The following LIMCH1 variants were observed in gnomAD, a reference collection of about 807,000 sequenced individuals.
LIMCH1 encodes the protein LIM and calponin homology domains 1.
LIMCH1 carries 113 observed loss-of-function variants against 176.5 expected under a neutral mutation model. The ratio of observed to expected loss-of-function variants is 0.64; its 90% confidence interval spans 0.55 to 0.75. The LOEUF (loss-of-function observed/expected upper bound fraction) is 0.75, where lower values mean the gene tolerates loss of function less well. Ranked by LOEUF, LIMCH1 falls within the 30% of genes least tolerant of loss-of-function variation. The pLI is 0.00. For missense variants in LIMCH1, 1,674 were observed against 1,814.9 expected, an observed-to-expected ratio of 0.92 and a Z score of 1.41; for synonymous variants, 619 against 645.9, an observed-to-expected ratio of 0.96 and a Z score of 0.63.
At position 41,409,838 on chromosome 4, in the gene LIMCH1, A is replaced by C. The variant is rs1002976975; in HGVS notation, c.96+48902A>C. On this transcript the variant is annotated intron_variant, in intron 1 of 26. Transcript: ENST00000313860. ...TCCAAGCAAAAGGGCTAATAGTGTT[A>C]GTTTTCTTGTCACAAGTTGATTGAA... 2.6e-5 allele frequency among the ~76,000 whole-genome samples: 4 copies of C among 152,220 alleles called. No homozygotes were observed. The East Asian group carries it at 7.7e-4, about 29-fold the overall frequency.
chr4:41,606,137 G>A (rs996457352), intron 4 of LIMCH1, 133 bp downstream of exon 4: 16 of 590,056 alleles, frequency 2.7e-5, no homozygotes, highest in Admixed American at 1.3e-4. Context: ...TCAAGGAAAC[G>A]ATCACTTGTC....
chr4:41,504,588 T>C (rs766323873), intron 2 of LIMCH1, among the ~76,000 whole-genome samples: 5 of 152,262 alleles, frequency 3.3e-5, no homozygotes, highest in Non-Finnish European at 5.9e-5. Context: ...AATGGCAGTA[T>C]GCAGATACTC....
At chr4:41,692,784 A>T (rs879607446) in intron 31 of LIMCH1, 5,795 of 171,948 alleles carry the variant, frequency 0.034, 387 homozygotes, top group African/African-American at 0.13. Flanking sequence ...CAGATCGAGC[A>T]CCAACTCATC....
chr4:41,397,674 T>G (rs2057951250), intron 1 of LIMCH1, among the ~76,000 whole-genome samples: 1 of 151,874 alleles, frequency 6.6e-6, no homozygotes, highest in African/African-American at 2.4e-5. Flanking sequence ...AAAAACAAGG[T>G]TATTAGACTG....
chr4:41,698,705 T>C lies in LIMCH1; in HGVS notation c.*1520T>C, dbSNP rs902930339. On this transcript the variant is annotated 3_prime_UTR_variant, in exon 32 of 32. Coordinates refer to ENST00000503057, the MANE Select transcript of LIMCH1 (RefSeq NM_001330672.2). The stretch of plus-strand genomic sequence containing the variant: ...TCTTATTGAGTATGGCTAGCGATTA[T>C]TTATTACATGCTAGATGGGTTCTTT... The C allele has an allele frequency of 2.0e-5, 3 of 152,642 alleles. No individual in the cohort carries two copies. The highest frequency in any genetic ancestry group is 4.4e-5 in the Non-Finnish European group (3 of 68,040). 9.5% of individuals were successfully genotyped at this position (152,642 alleles called of 1,614,324 possible). A position where few individuals can be genotyped will look rare whatever the true frequency, so the allele number is the denominator to read the frequency against.
At chr4:41,593,449 G>T (rs539276518) in intron 1 of LIMCH1, among the ~76,000 whole-genome samples, 1 of 152,318 alleles carries the variant, frequency 6.6e-6, no homozygotes, top group South Asian at 2.1e-4. Context: ...ACCGCCATGA[G>T]TTTGCAGTGG....
At chr4:41,477,316 C>CAGT (rs1159587174) in intron 1 of LIMCH1, among the ~76,000 whole-genome samples, 1 of 152,114 alleles carries the variant, frequency 6.6e-6, no homozygotes, top group African/African-American at 2.4e-5. Flanking sequence ...TGGGTACAGA[C>CAGT]AGTAGCTTTA....
intron 1 of LIMCH1, among the ~76,000 whole-genome samples, chr4:41,488,263 T>C (rs532165282): frequency 2.0e-5 from 3 of 152,358 alleles, no homozygotes; most frequent in Middle Eastern, 3.4e-3. Context: ...GTTAGTATTA[T>C]AGAGAGGCTT....
In LIMCH1 at chr4:41,638,120, G is replaced by T. The variant is rs1222663362; in HGVS notation, c.2091-812G>T. Among the ~76,000 whole-genome samples, 137 of 138,752 alleles carry T rather than the reference G, an allele frequency of 9.9e-4. 1 individual carries two copies. Among genetic ancestry groups the T allele is most frequent in the Non-Finnish European group, 1.6e-3 (100 of 62,266 alleles). The allele number at this position is 138,752 out of a possible 152,430, so 91.0% of individuals were successfully genotyped here. A position where few individuals can be genotyped will look rare whatever the true frequency, so the allele number is the denominator to read the frequency against. ...GTGTTGTTTTGTTGTTGTTGTTGTT[G>T]TTGTTGTTGTTGTTTTTTCATGTGC... On this transcript the variant is annotated intron_variant, in intron 13 of 31. Coordinates refer to ENST00000503057, the MANE Select transcript of LIMCH1 (RefSeq NM_001330672.2).
intron 9 of LIMCH1, 83 bp from the exon 10 acceptor site, chr4:41,631,065 G>T: frequency 2.0e-6 from 2 of 1,006,660 alleles, no homozygotes; most frequent in South Asian, 4.2e-5. Context: ...ACTACTTCTA[G>T]TTTTTTTTTT....
At chr4:41,427,129 AT>A (rs1282931209) in intron 1 of LIMCH1, among the ~76,000 whole-genome samples, 2 of 152,186 alleles carry the variant, frequency 1.3e-5, no homozygotes, top group Admixed American at 1.3e-4. Context: ...GACTTAAGTT[AT>A]TTTACATATA....
intron 1 of LIMCH1, among the ~76,000 whole-genome samples, chr4:41,578,702 T>C (rs954056567): frequency 3.3e-5 from 5 of 152,012 alleles, no homozygotes; most frequent in Non-Finnish European, 7.4e-5. Context: ...TCTTTTCTTC[T>C]TTTCCCCCTT....
chr4:41,398,417 G>A (rs2058043367), intron 1 of LIMCH1, among the ~76,000 whole-genome samples: 1 of 151,788 alleles, frequency 6.6e-6, no homozygotes, highest in Admixed American at 6.6e-5. Flanking sequence ...GAGTTTTGTG[G>A]GTGAATAATG....
chr4:41,497,331 G>C (rs757789131), intron 2 of LIMCH1, among the ~76,000 whole-genome samples: 14 of 150,290 alleles, frequency 9.3e-5, no homozygotes, highest in Non-Finnish European at 1.8e-4. Context: ...AAAAAAAAAA[G>C]CTTCATCATT....
At chr4:41,660,561 T>C (rs1024551471) in intron 18 of LIMCH1, among the ~76,000 whole-genome samples, 1 of 152,296 alleles carries the variant, frequency 6.6e-6, no homozygotes, top group East Asian at 1.9e-4. Context: ...TTAGAAGGAC[T>C]TGGCAAATGA....
upstream of LIMCH1, among the ~76,000 whole-genome samples, chr4:41,535,498 A>G (rs2077812584): frequency 6.6e-6 from 1 of 152,052 alleles, no homozygotes; most frequent in South Asian, 2.1e-4. Context: ...TTTCCCCTGT[A>G]TGTATCTGTG....
At chr4:41,403,564 C>T (rs1229045063) in intron 1 of LIMCH1, among the ~76,000 whole-genome samples, 1 of 152,024 alleles carries the variant, frequency 6.6e-6, no homozygotes, top group Non-Finnish European at 1.5e-5. Context: ...CTGGGTGACA[C>T]AGTGAGACTC....
At chr4:41,671,858 C>T (rs187442182) in intron 22 of LIMCH1, among the ~76,000 whole-genome samples, 1 of 114,752 alleles carries the variant, frequency 8.7e-6, no homozygotes, top group Non-Finnish European at 1.6e-5. Context: ...GCACTCCAGT[C>T]TGGGTGACAG....
chr4:41,434,276 C>G lies in LIMCH1; in HGVS notation c.97-60260C>G, dbSNP rs1050042594. ...CACCACTGGAGGCCAGCCAGTGGCA[C>G]TCTAAGGCCCTGGCCACCAGCTGTA... On this transcript the variant is annotated intron_variant, in intron 1 of 26. Transcript: ENST00000313860. Among the ~76,000 whole-genome samples, 10 of 152,312 alleles carry G rather than the reference C, an allele frequency of 6.6e-5. No homozygotes were observed. The East Asian group carries it at 1.7e-3, about 26-fold the overall frequency.
Sources: allele counts gnomAD v4.1 joint callset (sites outside exome capture counted in the v4.1 genomes callset), GRCh38; gene constraint gnomAD v4.1.1; transcripts MANE v1.5; gene names NCBI Gene and HGNC (gene_info 2026-07-23, HGNC 2026-07-21).